The following THBS3 variants were observed in gnomAD, a reference collection of about 807,000 sequenced individuals.
The protein encoded by THBS3 is thrombospondin 3.
A neutral mutation model predicts 118.3 loss-of-function variants in THBS3; 78 were observed. The ratio of observed to expected loss-of-function variants is 0.66; its 90% CI spans 0.55 to 0.80. The LOEUF (loss-of-function observed/expected upper bound fraction) is 0.80, where lower values mean the gene tolerates loss of function less well. Among genes scored for constraint, THBS3 ranks in the 30% least tolerant of loss-of-function variants. The pLI is 0.00. For missense variants in THBS3, 1,057 were observed against 1,247.4 expected (o/e 0.85, Z 2.30); for synonymous variants, 427 against 475.3 (o/e 0.90, Z 1.32).
chr1:155,204,772 G>T (rs1670299154), intron 4 of THBS3, 83 bp downstream of exon 4: 3 of 1,264,518 alleles, frequency 2.4e-6, no homozygotes, highest in South Asian at 1.2e-5. Context: ...TGGGTTTTAA[G>T]GGAGAGGGAG....
rs1178059831 is a variant in THBS3, at chr1:155,197,482, TG to T, written c.2479del (p.Gln827SerfsTer9). 2.5e-6 allele frequency: 4 copies of T among 1,613,434 alleles called. No homozygotes were observed. Among genetic ancestry groups the T allele is most frequent in the Non-Finnish European group, 8.5e-7 (1 of 1,179,978 alleles). On this transcript the variant is annotated frameshift_variant, in exon 20 of 23. Coordinates refer to ENST00000368378, the MANE Select transcript of THBS3 (RefSeq NM_007112.5). LOFTEE classifies it high-confidence loss of function. The surrounding 1 kb of genome is among the most constrained non-coding windows in gnomAD (Gnocchi z 5.0). ...WQATPFRAVAQPGLQLKAVTS... is the reference protein window; with the variant it reads ...WQATPFRAVAXPGLQLKAVTS... ...GGGGACCTTGAGCTGCAGCCCGGGC[TG>T]GGCAACCGCCCGGAAGGGTGTAGCC...
chr1:155,197,919 T>C lies in THBS3; in HGVS notation c.2263A>G (p.Ile755Val). 2 of 1,614,154 alleles carry C rather than the reference T, an allele frequency of 1.2e-6. No homozygotes were observed. The highest frequency in any genetic ancestry group is 1.7e-6 in the Non-Finnish European group (2 of 1,180,026). The change falls in exon 19 of 23, where the codon ATC (isoleucine) becomes GTC (valine). Residue 755 changes from isoleucine (I) to valine (V), a missense_variant. By Grantham distance (29) the Ile-to-Val change is conservative. This residue lies in a region of THBS3 where 307 missense variants were observed against 326.1 expected (regional missense o/e 0.94). Transcript: ENST00000368378. The surrounding 1 kb of genome is among the most constrained non-coding windows in gnomAD (Gnocchi z 5.0). Reference sequence around the variant, plus strand: ...GGGTCACTGTTCATGGTCTGAACGATTTCCATGCCCTGGGGTTGTATAGTA... The same window carrying C: ...GGGTCACTGTTCATGGTCTGAACGACTTCCATGCCCTGGGGTTGTATAGTA... Reference protein sequence around the residue: ...NWVVLNQGMEIVQTMNSDPGL... With the variant: ...NWVVLNQGMEVVQTMNSDPGL...
At chr1:155,207,293 C>T (rs993272428) in intron 1 of THBS3, among the ~76,000 whole-genome samples, 1 of 152,232 alleles carries the variant, frequency 6.6e-6, no homozygotes, top group Non-Finnish European at 1.5e-5. Context: ...TGTGGTTTTC[C>T]CTCCAGCCAG....
rs370186431 is a variant in THBS3, at chr1:155,201,943, G to A, written c.1176+14C>T. The A allele has an allele frequency of 8.4e-5, 135 of 1,613,798 alleles. No homozygotes were observed. The highest frequency in any genetic ancestry group is 1.1e-4 in the Non-Finnish European group (134 of 1,180,026). The stretch of plus-strand genomic sequence containing the variant: ...TCCCACCACCCCAGAATACACTCAG[G>A]ATATTCAGCTCACCACAGTGTTGGT... On this transcript the variant is annotated intron_variant, in intron 10 of 22. Transcript: ENST00000368378.
At position 155,206,909 on chromosome 1, in the gene THBS3, G is replaced by T. The variant is rs1670632605; in HGVS notation, c.80-503C>A. On this transcript the variant is annotated intron_variant, in intron 1 of 22. Transcript: ENST00000368378. The surrounding 1 kb of genome is among the most constrained non-coding windows in gnomAD (Gnocchi z 4.2). Reference sequence around the variant, plus strand: ...TGCTCTCAGAGGACAGAGGCACTGTGCCTTCCTTTCCCCATTATTGCCTAT... The same window carrying T: ...TGCTCTCAGAGGACAGAGGCACTGTTCCTTCCTTTCCCCATTATTGCCTAT... Among the ~76,000 whole-genome samples, 1 of 152,052 alleles carries T rather than the reference G, an allele frequency of 6.6e-6. No individual in the cohort carries two copies. The highest frequency in any genetic ancestry group is 1.5e-5 in the Non-Finnish European group (1 of 67,998).
At chr1:155,200,171 G>C in intron 14 of THBS3, 58 bp from the exon 15 acceptor site, 1 of 1,456,400 alleles carries the variant, frequency 6.9e-7, no homozygotes, top group African/African-American at 1.4e-5. Flanking sequence ...CTCTCTTCTA[G>C]GTTGGTGAAA....
chr1:155,202,378 G>A lies in THBS3; in HGVS notation c.981C>T (p.Phe327=), dbSNP rs1470516581. Residue 327 remains phenylalanine (F), a synonymous_variant, in exon 9 of 23, where the codon TTC becomes TTT. Transcript: ENST00000368378. This position sits in a 1 kb window ranked among gnomAD's most constrained non-coding sequence, Gnocchi z 5.5. ...INECAHADPC[F]PGSSCINTMP... ...TGGTGTTGATGCAGCTGGAGCCCGG[G>A]AAACAGGGGTCAGCGTGAGCACACT... is the stretch of plus-strand genomic sequence containing the variant. 6 of 1,613,976 alleles carry A rather than the reference G, an allele frequency of 3.7e-6. No homozygotes were observed. The highest frequency in any genetic ancestry group is 4.2e-6 in the Non-Finnish European group (5 of 1,179,962).
chr1:155,204,524 TG>T (rs1670264807), intron 4 of THBS3, among the ~76,000 whole-genome samples: 1 of 150,332 alleles, frequency 6.7e-6, no homozygotes, highest in South Asian at 2.1e-4. Flanking sequence ...CAGTGGAGAC[TG>T]CAGTGACCCA....
Position 155,202,459 on chromosome 1 carries a change from G to C in THBS3, c.958-58C>G. On this transcript the variant is annotated intron_variant, in intron 8 of 22. Coordinates refer to ENST00000368378, the MANE Select transcript of THBS3 (RefSeq NM_007112.5). This position sits in a 1 kb window ranked among gnomAD's most constrained non-coding sequence, Gnocchi z 5.5. ...CGCCCTCTGGGAAACTCAGGTCCCT[G>C]CCTGTGATCCAGGAACCATTGCTCC... 12 of 1,592,454 alleles carry C rather than the reference G, an allele frequency of 7.5e-6. No individual in the cohort carries two copies. The highest frequency in any genetic ancestry group is 9.4e-6 in the Non-Finnish European group (11 of 1,169,896).
intron 21 of THBS3, chr1:155,196,525 T>G: frequency 8.5e-6 from 2 of 234,582 alleles, no homozygotes; most frequent in Non-Finnish European, 8.3e-6. Context: ...CTCTGGGCTC[T>G]TGGCCATGGA....
At chr1:155,201,850 C>T in intron 10 of THBS3, 107 bp downstream of exon 10, 4 of 1,503,926 alleles carry the variant, frequency 2.7e-6, no homozygotes, top group South Asian at 2.3e-5. Flanking sequence ...CTGTGTAGTG[C>T]CCTGGGGAGG....
Position 155,197,255 on chromosome 1 carries a change from G to A in THBS3, c.2500-42C>T. On this transcript the variant is annotated intron_variant, in intron 20 of 22. Transcript: ENST00000368378. This position sits in a 1 kb window ranked among gnomAD's most constrained non-coding sequence, Gnocchi z 5.0. ...AAGACAGTGGGTCAACTGCAGAACT[G>A]GAGTGAGGGGAGACAACAGGTCGGT... 6.2e-7 allele frequency: 1 copy of A among 1,600,224 alleles called. No individual in the cohort carries two copies. The highest frequency in any genetic ancestry group is 8.6e-7 in the Non-Finnish European group (1 of 1,168,826).
intron 4 of THBS3, among the ~76,000 whole-genome samples, chr1:155,203,901 G>T (rs1274124817): frequency 1.3e-5 from 2 of 151,408 alleles, no homozygotes; most frequent in African/African-American, 4.9e-5. Flanking sequence ...GCAGTGGCGT[G>T]ATCTCTGCTC....
rs1668600444 is a variant in THBS3, at chr1:155,195,993, A to C, written c.2806T>G (p.Cys936Gly). ...NIIWSNLQYRCNDTVPEDFEP... is the reference protein window; with the variant it reads ...NIIWSNLQYRGNDTVPEDFEP... ...TCTCAATCAGCCACCTCACCATTGC[A>C]TCGATACTGGAGATTGGACCAAATT... Residue 936 changes from cysteine (C) to glycine (G), a missense_variant, in exon 22 of 23, where the codon TGC becomes GGC. Coordinates refer to ENST00000368378, the MANE Select transcript of THBS3 (RefSeq NM_007112.5). The C allele has an allele frequency of 6.2e-7, 1 of 1,614,128 alleles. No homozygotes were observed. The highest frequency in any genetic ancestry group is 1.3e-5 in the African/African-American group (1 of 74,938).
chr1:155,200,845 G>T (rs1669586388), intron 13 of THBS3, 52 bp downstream of exon 13: 1 of 1,613,648 alleles, frequency 6.2e-7, no homozygotes, highest in Non-Finnish European at 8.5e-7. Flanking sequence ...GGCACAGAGA[G>T]GACAGGAGGA....
chr1:155,206,131 G>T lies in THBS3; in HGVS notation c.286+69C>A. The stretch of plus-strand genomic sequence containing the variant: ...GGCCAAGGAGAATGAGGAAGCACTT[G>T]GGAAGTAGGGATGAGGGAGAGTGCT... On this transcript the variant is annotated intron_variant, in intron 2 of 22. Transcript: ENST00000368378. The surrounding 1 kb of genome is among the most constrained non-coding windows in gnomAD (Gnocchi z 4.2). The T allele has an allele frequency of 6.4e-7, 1 of 1,559,286 alleles. No homozygotes were observed. Among genetic ancestry groups the T allele is most frequent in the Non-Finnish European group, 8.8e-7 (1 of 1,138,268 alleles).
chr1:155,200,306 C>T, intron 14 of THBS3, 145 bp downstream of exon 14: 5 of 1,093,628 alleles, frequency 4.6e-6, no homozygotes, highest in Non-Finnish European at 6.7e-6. Flanking sequence ...TTGACATCTG[C>T]TGCAGGTAAT....
In THBS3 at chr1:155,203,253, C is replaced by G; in HGVS notation, c.726G>C (p.Leu242=). Residue 242 remains leucine, a synonymous_variant, in exon 6 of 23, where the codon CTG becomes CTC. Coordinates refer to ENST00000368378, the MANE Select transcript of THBS3 (RefSeq NM_007112.5). ...CTCGTATATCATCCCGCAGCTCCAC[C>G]AGGATCTGGTTGAAGAGGGTGAGTT... ...VTQLTLFNQI[L]VELRDDIRDQ... is the part of the protein sequence containing the mutation. The G allele has an allele frequency of 6.2e-7, 1 of 1,614,196 alleles. No homozygotes were observed. The highest frequency in any genetic ancestry group is 8.5e-7 in the Non-Finnish European group (1 of 1,180,042).
Position 155,198,619 on chromosome 1 carries a change from G to A in THBS3, c.1881-17C>T, listed in dbSNP as rs1162383156. ...TCCCCATCGCTAATCAGAAGAACAG[G>A]TACCAAATAAAGGATTTAAAGGTAC... On this transcript the variant is annotated splice_polypyrimidine_tract_variant and intron_variant, in intron 16 of 22. Transcript: ENST00000368378. 1.9e-6 allele frequency: 3 copies of A among 1,611,370 alleles called. No homozygotes were observed. The highest frequency in any genetic ancestry group is 1.7e-5 in the Admixed American group (1 of 59,932).
Sources: allele counts gnomAD v4.1 joint callset (sites outside exome capture counted in the v4.1 genomes callset), GRCh38; gene constraint gnomAD v4.1.1; regional missense constraint gnomAD v4.1.1; non-coding constraint Gnocchi (gnomAD v3.1); transcripts MANE v1.5; gene names NCBI Gene and HGNC (gene_info 2026-07-23, HGNC 2026-07-21).